The following EPHA3 variants were observed in gnomAD, a reference collection of about 807,000 sequenced individuals.
EPHA3 encodes ephrin type-A receptor 3.
A neutral mutation model predicts 107.1 loss-of-function variants in EPHA3; 42 were observed. The observed-to-expected ratio is 0.39, with a 90% CI of 0.31 to 0.51. The LOEUF (loss-of-function observed/expected upper bound fraction) is 0.51, where lower values mean the gene tolerates loss of function less well. Ranked by LOEUF, EPHA3 falls within the 20% of genes least tolerant of loss-of-function variation. The pLI is 0.78. For missense variants in EPHA3, 1,183 were observed against 1,211.2 expected, an observed-to-expected ratio of 0.98 and a Z score of 0.35; for synonymous variants, 461 against 424.8, an observed-to-expected ratio of 1.09 and a Z score of -1.05.
intron 3 of EPHA3, among the ~76,000 whole-genome samples, chr3:89,257,173 A>G (rs1342096755): frequency 6.6e-6 from 1 of 152,132 alleles, no homozygotes; most frequent in African/African-American, 2.4e-5. Flanking sequence ...TCCTTCCCCA[A>G]ATTCCCTTCT....
intron 13 of EPHA3, among the ~76,000 whole-genome samples, chr3:89,441,743 T>C (rs1284293106): frequency 6.6e-6 from 1 of 152,196 alleles, no homozygotes; most frequent in East Asian, 1.9e-4. Flanking sequence ...AACAGAAATA[T>C]GCATACGCTC....
At chr3:89,413,386 A>ATAT in intron 10 of EPHA3, 120 bp downstream of exon 10, 1 of 1,283,488 alleles carries the variant, frequency 7.8e-7, no homozygotes, top group Middle Eastern at 1.9e-4. Context: ...ATCAAAGGCA[A>ATAT]GTAATAAATA....
At chr3:89,147,648 G>A (rs1434760417) in intron 2 of EPHA3, among the ~76,000 whole-genome samples, 1 of 151,788 alleles carries the variant, frequency 6.6e-6, no homozygotes, top group Non-Finnish European at 1.5e-5. Context: ...TCCACTGGGG[G>A]TTTTGTAATG....
At chr3:89,109,073 T>C (rs1334380945) in intron 1 of EPHA3, among the ~76,000 whole-genome samples, 1 of 152,142 alleles carries the variant, frequency 6.6e-6, no homozygotes, top group East Asian at 1.9e-4. Context: ...TGCCTGATAC[T>C]CGGTGACCTA....
intron 1 of EPHA3, among the ~76,000 whole-genome samples, chr3:89,116,953 T>A (rs1707272388): frequency 6.6e-6 from 1 of 152,062 alleles, no homozygotes. Context: ...ATTTGGGTTT[T>A]CAGAACTCTC....
rs150123692 is a variant in EPHA3 at position 89,438,607 on chromosome 3, C to T, written c.2346+7248C>T. Among the ~76,000 whole-genome samples, 1,115 of 152,192 alleles carry T rather than the reference C, an allele frequency of 7.3e-3. 18 individuals are homozygous for T. The highest frequency in any genetic ancestry group is 0.025 in the African/African-American group (1,034 of 41,526). On this transcript the variant is annotated intron_variant, in intron 13 of 16. Transcript: ENST00000336596. ...ATCAAAATTGGTATAATACAAAAGACACATATTAATTTGATAAGTAATATA... is the reference window on the plus strand; with the variant it reads ...ATCAAAATTGGTATAATACAAAAGATACATATTAATTTGATAAGTAATATA...
chr3:89,183,594 T>C (rs1705493329), intron 2 of EPHA3, among the ~76,000 whole-genome samples: 2 of 151,870 alleles, frequency 1.3e-5, no homozygotes, highest in East Asian at 1.9e-4. Flanking sequence ...CACACACACA[T>C]GGCCTCCAAC....
At position 89,419,377 on chromosome 3, in the gene EPHA3, AGTT is replaced by A. The variant is rs780931092; in HGVS notation, c.2065_2067del (p.Val689del). 5 of 1,589,776 alleles carry A rather than the reference AGTT, an allele frequency of 3.1e-6. No individual in the cohort carries two copies. Among genetic ancestry groups the A allele is most frequent in the Middle Eastern group, 1.7e-4 (1 of 5,878 alleles). On this transcript the variant is annotated inframe_deletion, in exon 11 of 17. Transcript: ENST00000336596. ...ACCCCAATATCATTCGACTGGAAGG[AGTT>A]GTTACCAAAAGTAAGTAAAGTAGTC...
intron 2 of EPHA3, among the ~76,000 whole-genome samples, chr3:89,141,776 T>C (rs1704437499): frequency 6.6e-6 from 1 of 151,584 alleles, no homozygotes; most frequent in African/African-American, 2.4e-5. Flanking sequence ...AATATATCTA[T>C]GTATACATCT....
At chr3:89,137,121 T>C (rs901830489) in intron 2 of EPHA3, among the ~76,000 whole-genome samples, 1 of 151,978 alleles carries the variant, frequency 6.6e-6, no homozygotes, top group African/African-American at 2.4e-5. Flanking sequence ...TGCAAAATAG[T>C]GTATGGCAGA....
At position 89,407,327 on chromosome 3, in the gene EPHA3, A is replaced by G. The variant is rs1709074815; in HGVS notation, c.1653A>G (p.Val551=). ...TCATGATCGCCATTTCAGCGGCAGT[A>G]GCAATTATTCTCCTCACTGTTGTCA... is the stretch of plus-strand genomic sequence containing the variant. ...QVVMIAISAA[V]AIILLTVVIY... The change falls in exon 8 of 17, where the codon GTA becomes GTG. Residue 551 remains valine (V), a synonymous_variant. Transcript: ENST00000336596. The G allele has an allele frequency of 6.2e-7, 1 of 1,613,620 alleles. No homozygotes were observed. Among genetic ancestry groups the G allele is most frequent in the Non-Finnish European group, 8.5e-7 (1 of 1,179,660 alleles).
At chr3:89,290,085 A>G (rs959610158) in intron 3 of EPHA3, among the ~76,000 whole-genome samples, 1 of 152,140 alleles carries the variant, frequency 6.6e-6, no homozygotes, top group East Asian at 1.9e-4. Flanking sequence ...GAGGCTGCCA[A>G]CAGCTTCTTG....
intron 8 of EPHA3, 125 bp from the exon 9 acceptor site, chr3:89,407,942 C>A: frequency 2.1e-6 from 2 of 961,264 alleles, no homozygotes; most frequent in Non-Finnish European, 3.1e-6. Flanking sequence ...AGTTATTAAA[C>A]TTTCACTAAA....
At chr3:89,403,324 T>G (rs915376871) in intron 7 of EPHA3, among the ~76,000 whole-genome samples, 2 of 152,156 alleles carry the variant, frequency 1.3e-5, no homozygotes, top group African/African-American at 4.8e-5. Context: ...GATAAACATT[T>G]CATTTGATTC....
At chr3:89,439,138 C>A (rs775086235) in intron 13 of EPHA3, among the ~76,000 whole-genome samples, 1 of 152,082 alleles carries the variant, frequency 6.6e-6, no homozygotes, top group Non-Finnish European at 1.5e-5. Context: ...AATGAAGGAG[C>A]AAATACTGAG....
In EPHA3 at chr3:89,286,911, G is replaced by T. The variant is rs538755359; in HGVS notation, c.815-54005G>T. The stretch of plus-strand genomic sequence containing the variant: ...ATTCTCTGCAACATGTCCTTGTTTT[G>T]TTTTCTTAGTTGTTCTTATTTCTAC... On this transcript the variant is annotated intron_variant, in intron 3 of 16. Transcript: ENST00000336596. Among the ~76,000 whole-genome samples, 12 of 151,952 alleles carry T rather than the reference G, an allele frequency of 7.9e-5. No individual in the cohort carries two copies. The East Asian group carries it at 1.7e-3, about 22-fold the overall frequency.
At chr3:89,227,094 T>C (rs914535404) in intron 3 of EPHA3, among the ~76,000 whole-genome samples, 4 of 152,060 alleles carry the variant, frequency 2.6e-5, no homozygotes, top group African/African-American at 9.7e-5. Context: ...ATCAATATTA[T>C]ATGCAAACGT....
At chr3:89,250,439 C>T (rs758530333) in intron 3 of EPHA3, among the ~76,000 whole-genome samples, 7 of 152,154 alleles carry the variant, frequency 4.6e-5, no homozygotes, top group Non-Finnish European at 5.9e-5. Context: ...TGTCATCGTA[C>T]CTTTATCTAC....
In EPHA3 at chr3:89,212,675, C is replaced by T. The variant is rs77612547; in HGVS notation, c.814+2155C>T. 4.0e-3 allele frequency among the ~76,000 whole-genome samples: 600 copies of T among 151,554 alleles called. 1 individual carries two copies. Among genetic ancestry groups the T allele is most frequent in the African/African-American group, 6.4e-3 (266 of 41,358 alleles). ...TTAGTTTGGAGGGGAGAGATGAGGA[C>T]GCTAATGGCTTTTTATATAGTCAGT... On this transcript the variant is annotated intron_variant, in intron 3 of 16. Coordinates refer to ENST00000336596, the MANE Select transcript of EPHA3 (RefSeq NM_005233.6).
Sources: gnomAD v4.1 joint callset for allele counts (sites outside exome capture counted in the v4.1 genomes callset) on GRCh38, gnomAD v4.1.1 for gene constraint, MANE v1.5 for transcripts, NCBI Gene and HGNC (gene_info 2026-07-23, HGNC 2026-07-21) for gene names.